CDH12: variants seen among roughly 807,000 people sequenced by gnomAD.
The protein encoded by CDH12 is cadherin-12.
CDH12 carries 41 observed loss-of-function variants against 74.1 expected under a neutral mutation model. The ratio of observed to expected loss-of-function variants is 0.55; its 90% CI spans 0.43 to 0.72. The LOEUF is 0.72. Ranked by LOEUF, CDH12 falls within the 30% of genes least tolerant of loss-of-function variation. The pLI is 0.00. For missense variants in CDH12, 945 were observed against 977.2 expected (o/e 0.97, Z 0.44); for synonymous variants, 399 against 355.0 (o/e 1.12, Z -1.39).
Position 22,099,385 on chromosome 5 carries a change from A to G in CDH12, c.-186-20523T>C, listed in dbSNP as rs1744000886. Among the ~76,000 whole-genome samples the G allele has an allele frequency of 2.0e-5, 3 of 152,150 alleles. No homozygotes were observed. The South Asian group carries it at 6.2e-4, about 31-fold the overall frequency. ...TGATCTTTTAAAAACACATCTCACC[A>G]AGCTCAGCCACCAACTTAAAAAGGA... is the stretch of plus-strand genomic sequence containing the variant. On this transcript the variant is annotated intron_variant, in intron 4 of 14. Transcript: ENST00000382254.
At chr5:22,636,944 A>G (rs1738872738) in intron 1 of CDH12, among the ~76,000 whole-genome samples, 1 of 152,324 alleles carries the variant, frequency 6.6e-6, no homozygotes, top group South Asian at 2.1e-4. Context: ...CAGTAATTTC[A>G]TATCGGTTTT....
chr5:22,229,162 C>A (rs2150373781), intron 3 of CDH12, among the ~76,000 whole-genome samples: 1 of 150,344 alleles, frequency 6.7e-6, no homozygotes. Flanking sequence ...GTATATTCCA[C>A]TGTCAGTGTG....
At chr5:22,607,538 G>T (rs538572365) in intron 1 of CDH12, among the ~76,000 whole-genome samples, 1 of 152,168 alleles carries the variant, frequency 6.6e-6, no homozygotes, top group Non-Finnish European at 1.5e-5. Flanking sequence ...TCACTATCAC[G>T]AGACTAGCAT....
chr5:22,324,341 T>C (rs12523294), intron 3 of CDH12, among the ~76,000 whole-genome samples: 46,809 of 151,878 alleles, frequency 0.31, 8,122 homozygotes, highest in South Asian at 0.41. Context: ...CATTTTTTAT[T>C]CATGAGAAAA....
chr5:22,702,721 C>A (rs1322998738), intron 1 of CDH12, among the ~76,000 whole-genome samples: 1 of 151,750 alleles, frequency 6.6e-6, no homozygotes, highest in African/African-American at 2.4e-5. Flanking sequence ...AGCTTGATAA[C>A]AATAATAAAA....
chr5:22,786,246 T>C (rs970574667), intron 1 of CDH12, among the ~76,000 whole-genome samples: 14 of 152,164 alleles, frequency 9.2e-5, no homozygotes, highest in African/African-American at 1.2e-4. Flanking sequence ...TTCTCACTTA[T>C]AAGTGGGAGC....
intron 4 of CDH12, among the ~76,000 whole-genome samples, chr5:22,101,988 A>G (rs1466230410): frequency 6.6e-6 from 1 of 152,204 alleles, no homozygotes. Flanking sequence ...CATATTTACA[A>G]AATCAGGAAA....
chr5:21,770,342 G>A (rs1046376002), intron 11 of CDH12, among the ~76,000 whole-genome samples: 9 of 151,948 alleles, frequency 5.9e-5, no homozygotes, highest in Non-Finnish European at 1.0e-4. Flanking sequence ...GTTAAAATTC[G>A]GCCAGGCATG....
rs145806586 is a variant in CDH12 at position 22,249,845 on chromosome 5, A to G, written c.-332-37202T>C. Among the ~76,000 whole-genome samples, 554 of 145,146 alleles carry G rather than the reference A, an allele frequency of 3.8e-3. 8 individuals carry two copies. Among genetic ancestry groups the G allele is most frequent in the African/African-American group, 0.013 (523 of 39,144 alleles). ...TGTTGTATTGCATATTTTAATTGCA[A>G]TGGATTATACCTACAGATTATTCAC... On this transcript the variant is annotated intron_variant, in intron 3 of 14. Transcript: ENST00000382254.
At chr5:21,795,797 T>G (rs1156394336) in intron 10 of CDH12, among the ~76,000 whole-genome samples, 1 of 151,970 alleles carries the variant, frequency 6.6e-6, no homozygotes, top group African/African-American at 2.4e-5. Flanking sequence ...AACTTACGTT[T>G]TTGCACACAT....
intron 3 of CDH12, among the ~76,000 whole-genome samples, chr5:22,346,533 A>T (rs182181467): frequency 3.9e-5 from 6 of 152,240 alleles, no homozygotes; most frequent in Non-Finnish European, 8.8e-5. Context: ...AAAAATGAAT[A>T]CAAGTGATAG....
intron 2 of CDH12, among the ~76,000 whole-genome samples, chr5:22,429,849 T>C (rs896957481): frequency 6.6e-6 from 1 of 152,124 alleles, no homozygotes; most frequent in Admixed American, 6.6e-5. Context: ...AAACAATTGG[T>C]TTTGTATAAT....
intron 8 of CDH12, among the ~76,000 whole-genome samples, chr5:21,818,326 C>T (rs1748177053): frequency 6.6e-6 from 1 of 151,780 alleles, no homozygotes; most frequent in South Asian, 2.1e-4. Flanking sequence ...TAGGGAAGTT[C>T]ATTAAAAAAT....
At chr5:21,885,191 G>T (rs1269877699) in intron 6 of CDH12, among the ~76,000 whole-genome samples, 1 of 152,112 alleles carries the variant, frequency 6.6e-6, no homozygotes, top group East Asian at 1.9e-4. Context: ...CCAGGCAAAA[G>T]GCCCTGTTTT....
intron 11 of CDH12, among the ~76,000 whole-genome samples, chr5:21,769,156 G>A (rs1414645729): frequency 1.8e-4 from 28 of 152,014 alleles, no homozygotes; most frequent in East Asian, 3.9e-4. Context: ...CTAATATCAC[G>A]GTAAAAGACT....
intron 3 of CDH12, among the ~76,000 whole-genome samples, chr5:22,301,263 C>CA (rs199870752): frequency 2.6e-5 from 4 of 151,664 alleles, no homozygotes; most frequent in South Asian, 4.2e-4. Context: ...CACTTTCTAC[C>CA]AAAAAAAATA....
At chr5:22,752,483 T>C (rs1745628390) in intron 1 of CDH12, among the ~76,000 whole-genome samples, 1 of 149,364 alleles carries the variant, frequency 6.7e-6, no homozygotes, top group East Asian at 1.9e-4. Context: ...TCTCAAACTA[T>C]GTGCCTGCTC....
chr5:22,473,726 C>G (rs1242703432), intron 2 of CDH12, among the ~76,000 whole-genome samples: 3 of 152,008 alleles, frequency 2.0e-5, no homozygotes, highest in Non-Finnish European at 4.4e-5. Context: ...TTCTAAATTA[C>G]TATAATATGT....
At chr5:22,158,811 A>G (rs1327182833) in intron 4 of CDH12, among the ~76,000 whole-genome samples, 2 of 152,124 alleles carry the variant, frequency 1.3e-5, no homozygotes, top group Non-Finnish European at 2.9e-5. Context: ...GATTTACAAT[A>G]TGTTGACAAA....
Sources: gnomAD v4.1 joint callset for allele counts (sites outside exome capture counted in the v4.1 genomes callset) on GRCh38, gnomAD v4.1.1 for gene constraint, MANE v1.5 for transcripts, NCBI Gene and HGNC (gene_info 2026-07-23, HGNC 2026-07-21) for gene names.